The following EYS variants were observed in gnomAD, a reference collection of about 807,000 sequenced individuals.
EYS encodes EGF-like photoreceptor maintenance factor.
EYS carries 250 observed loss-of-function variants against 282.1 expected under a neutral mutation model. That is an observed-to-expected ratio of 0.89 (90% CI 0.80 to 0.98). EYS has a LOEUF of 0.98. Among genes scored for constraint, EYS ranks in the 50% least tolerant of loss-of-function variants. The pLI, the probability that EYS is intolerant of heterozygous loss-of-function variation, is 0.00. For synonymous variants in EYS, 1,355 were observed against 1,282.9 expected, an observed-to-expected ratio of 1.06 and a Z score of -1.20; for missense variants, 4,016 against 3,709.0, an observed-to-expected ratio of 1.08 and a Z score of -2.15.
At chr6:65,207,925 A>G (rs1423968397) in intron 12 of EYS, among the ~76,000 whole-genome samples, 2 of 151,806 alleles carry the variant, frequency 1.3e-5, no homozygotes, top group African/African-American at 4.8e-5. Flanking sequence ...AAGTCCTAGA[A>G]GAAAACCTAG....
intron 26 of EYS, among the ~76,000 whole-genome samples, chr6:64,530,051 T>C (rs528162259): frequency 1.3e-5 from 2 of 152,248 alleles, no homozygotes; most frequent in East Asian, 3.9e-4. Flanking sequence ...GTCATTTTCA[T>C]ATGCAGTCCA....
At chr6:64,347,886 A>T (rs111631252) in intron 29 of EYS, among the ~76,000 whole-genome samples, 1,568 of 151,454 alleles carry the variant, frequency 0.01, 18 homozygotes, top group East Asian at 0.029. Context: ...CAACACAAAA[A>T]AATTCACCTT....
In EYS at chr6:64,674,528, A is replaced by C. The variant is rs182130333; in HGVS notation, c.3444-48283T>G. On this transcript the variant is annotated intron_variant, in intron 22 of 42. Coordinates refer to ENST00000503581, the MANE Select transcript of EYS (RefSeq NM_001142800.2). ...TTCAGAGAGTTTCTTAAAGCAGAGA[A>C]AGGTTTAAAATTATGAAGTGATGGA... is the stretch of plus-strand genomic sequence containing the variant. 1.4e-3 allele frequency among the ~76,000 whole-genome samples: 216 copies of C among 152,234 alleles called. 1 individual carries two copies. Among genetic ancestry groups the C allele is most frequent in the African/African-American group, 5.1e-3 (210 of 41,560 alleles).
intron 2 of EYS, among the ~76,000 whole-genome samples, chr6:65,612,192 C>A (rs930407858): frequency 6.6e-6 from 1 of 150,522 alleles, no homozygotes; most frequent in Non-Finnish European, 1.5e-5. Flanking sequence ...TGAATGTAAA[C>A]CCTGTATATA....
chr6:64,545,527 C>G (rs1764829252), intron 26 of EYS, among the ~76,000 whole-genome samples: 1 of 152,116 alleles, frequency 6.6e-6, no homozygotes, highest in Non-Finnish European at 1.5e-5. Context: ...CCAGGGCAAT[C>G]AGACAGGAGA....
chr6:64,824,121 G>A (rs1230913273), intron 19 of EYS, among the ~76,000 whole-genome samples: 8 of 151,746 alleles, frequency 5.3e-5, no homozygotes, highest in Non-Finnish European at 1.2e-4. Context: ...TGTTAATGAA[G>A]CATACTCTAC....
At chr6:63,972,684 T>C (rs1306656734) in intron 35 of EYS, among the ~76,000 whole-genome samples, 1 of 152,048 alleles carries the variant, frequency 6.6e-6, no homozygotes, top group African/African-American at 2.4e-5. Context: ...ATGCTATCCC[T>C]CCCTTAGCCC....
chr6:65,331,397 T>A (rs71572525), intron 11 of EYS: 48,594 of 780,616 alleles, frequency 0.062, 1,615 homozygotes, highest in South Asian at 0.09. Flanking sequence ...CTAAACATTT[T>A]GCATATCTTT....
At chr6:63,826,989 C>A (rs1771486769) in intron 36 of EYS, among the ~76,000 whole-genome samples, 1 of 151,944 alleles carries the variant, frequency 6.6e-6, no homozygotes, top group African/African-American at 2.4e-5. Context: ...TACAGAACAG[C>A]AGAATGGATA....
At chr6:65,663,316 A>C (rs1054484143) in intron 1 of EYS, among the ~76,000 whole-genome samples, 1 of 152,182 alleles carries the variant, frequency 6.6e-6, no homozygotes, top group African/African-American at 2.4e-5. Context: ...CACAGGAGTC[A>C]AACCCTTAGA....
intron 8 of EYS, among the ~76,000 whole-genome samples, chr6:65,376,200 G>A (rs1765358283): frequency 6.6e-6 from 1 of 152,132 alleles, no homozygotes; most frequent in African/African-American, 2.4e-5. Context: ...CTACAAGCCA[G>A]AAAAGAGTGG....
intron 35 of EYS, among the ~76,000 whole-genome samples, chr6:63,909,319 T>G (rs1177361946): frequency 6.6e-6 from 1 of 152,334 alleles, no homozygotes; most frequent in Admixed American, 6.5e-5. Flanking sequence ...AATCTATCAT[T>G]TATCTATCAT....
At chr6:64,200,598 C>T (rs1341511433) in intron 31 of EYS, among the ~76,000 whole-genome samples, 3 of 152,106 alleles carry the variant, frequency 2.0e-5, no homozygotes, top group African/African-American at 7.2e-5. Context: ...AAATGAGTGT[C>T]AGACTCAGAG....
At chr6:64,621,650 ATAT>A (rs1184055102) in intron 23 of EYS, among the ~76,000 whole-genome samples, 3 of 152,208 alleles carry the variant, frequency 2.0e-5, no homozygotes, top group Non-Finnish European at 4.4e-5. Context: ...CTGGTGGCAG[ATAT>A]TATCTATGTT....
rs1771591347 is a variant in EYS at position 64,071,828 on chromosome 6, A to G, written c.6572-5337T>C. ...TCATATCCAAACAAATAAAACCAAA[A>G]CCAACTCTGAGGAAAATTTGCATAA... On this transcript the variant is annotated intron_variant, in intron 32 of 42. Transcript: ENST00000503581. Among the ~76,000 whole-genome samples, 4 of 151,568 alleles carry G rather than the reference A, an allele frequency of 2.6e-5. No homozygotes were observed. In the Admixed American group the frequency reaches 2.6e-4, roughly 10 times the overall value.
intron 26 of EYS, among the ~76,000 whole-genome samples, chr6:64,496,489 T>C (rs1776893056): frequency 6.6e-6 from 1 of 151,998 alleles, no homozygotes; most frequent in African/African-American, 2.4e-5. Context: ...AATGTCTCTG[T>C]GTCAAAGTCA....
At chr6:63,890,579 G>A (rs867452026) in intron 35 of EYS, among the ~76,000 whole-genome samples, 27 of 152,110 alleles carry the variant, frequency 1.8e-4, no homozygotes, top group African/African-American at 6.3e-4. Flanking sequence ...CAGAATCTCT[G>A]GGACACAGCT....
At chr6:64,964,754 G>A (rs1335650583) in intron 14 of EYS, among the ~76,000 whole-genome samples, 1 of 152,090 alleles carries the variant, frequency 6.6e-6, no homozygotes, top group African/African-American at 2.4e-5. Flanking sequence ...TATATAGGCT[G>A]GGTGCAGTTG....
At chr6:64,193,570 A>G (rs892521283) in intron 31 of EYS, among the ~76,000 whole-genome samples, 1 of 152,048 alleles carries the variant, frequency 6.6e-6, no homozygotes, top group African/African-American at 2.4e-5. Flanking sequence ...TTACATATGT[A>G]TACATGTGCC....
Sources: allele counts gnomAD v4.1 joint callset (sites outside exome capture counted in the v4.1 genomes callset), GRCh38; gene constraint gnomAD v4.1.1; transcripts MANE v1.5; gene names NCBI Gene and HGNC (gene_info 2026-07-23, HGNC 2026-07-21).